Variants in CAMK2G observed in about 807,000 individuals in gnomAD.
CAMK2G encodes calcium/calmodulin-dependent protein kinase type II subunit gamma.
In CAMK2G, 23 loss-of-function variants were observed where a neutral mutation model predicts 88.7. The ratio of observed to expected loss-of-function variants is 0.26; its 90% CI spans 0.19 to 0.37. The LOEUF is 0.37. CAMK2G is among the 10% of genes least tolerant of loss of function. The pLI is 1.00. For synonymous variants in CAMK2G, 263 were observed against 294.8 expected (o/e 0.89, Z 1.11); for missense variants, 476 against 780.8 (o/e 0.61, Z 4.65).
Position 73,852,234 on chromosome 10 carries a change from C to T in CAMK2G, c.341+20G>A, listed in dbSNP as rs2094683410. On this transcript the variant is annotated intron_variant, in intron 5 of 22. Transcript: ENST00000423381. ...CCTAAACTCCAGAGCTACATTTGAA[C>T]TCTCGGGCCCTCATCCTACCTGGCA... is the stretch of plus-strand genomic sequence containing the variant. 1.9e-6 allele frequency: 3 copies of T among 1,605,198 alleles called. No individual in the cohort carries two copies. The highest frequency in any genetic ancestry group is 2.6e-6 in the Non-Finnish European group (3 of 1,171,868).
At position 73,848,851 on chromosome 10, in the gene CAMK2G, C is replaced by T. The variant is rs2094431359; in HGVS notation, c.517+162G>A. Among the ~76,000 whole-genome samples the T allele has an allele frequency of 6.6e-6, 1 of 152,270 alleles. No individual in the cohort carries two copies. The highest frequency in any genetic ancestry group is 2.4e-5 in the African/African-American group (1 of 41,470). On this transcript the variant is annotated intron_variant, in intron 7 of 22. Transcript: ENST00000423381. This position sits in a 1 kb window ranked among gnomAD's most constrained non-coding sequence, Gnocchi z 4.5. ...TCCCACAGGCAGCAAGAAAGCAGTG[C>T]TGACAACAGCTAGACTTACTGTACT...
intron 15 of CAMK2G, among the ~76,000 whole-genome samples, chr10:73,826,472 G>A (rs994184801): frequency 5.9e-5 from 9 of 152,000 alleles, no homozygotes; most frequent in African/African-American, 1.4e-4. Context: ...AACATTACAC[G>A]GAGGGGCACA....
chr10:73,825,162 T>C (rs1189144892), intron 16 of CAMK2G, 117 bp downstream of exon 16: 10 of 790,352 alleles, frequency 1.3e-5, no homozygotes, highest in Non-Finnish European at 2.3e-5. Flanking sequence ...CAGTCAGTTC[T>C]ATGGGGACCA....
At chr10:73,820,778 T>C (rs1410114126) in intron 18 of CAMK2G, among the ~76,000 whole-genome samples, 1 of 150,062 alleles carries the variant, frequency 6.7e-6, no homozygotes, top group East Asian at 2.0e-4. Flanking sequence ...GTTCAAGCGA[T>C]TCTCCCACCT....
rs188065595 is a variant in CAMK2G at position 73,839,178 on chromosome 10, G to A, written c.1009+361C>T. Among the ~76,000 whole-genome samples, 48 of 152,310 alleles carry A rather than the reference G, an allele frequency of 3.2e-4. No homozygotes were observed. In the East Asian group the frequency reaches 8.3e-3, roughly 26 times the overall value. ...TCTGTGGGGTCTTAAACAGTGCTGC[G>A]GAAATCTAGTCCTAGCACCGGGCAG... On this transcript the variant is annotated intron_variant, in intron 13 of 22. Coordinates refer to ENST00000423381, the MANE Select transcript of CAMK2G (RefSeq NM_001367534.1). The surrounding 1 kb of genome is among the most constrained non-coding windows in gnomAD (Gnocchi z 4.2).
intron 2 of CAMK2G, among the ~76,000 whole-genome samples, chr10:73,867,234 A>G (rs2095627421): frequency 6.6e-6 from 1 of 152,218 alleles, no homozygotes; most frequent in African/African-American, 2.4e-5. Flanking sequence ...AAGGCAAGGG[A>G]AGCGAGAGGC....
chr10:73,822,443 C>T (rs759532799), intron 17 of CAMK2G, among the ~76,000 whole-genome samples: 2 of 152,174 alleles, frequency 1.3e-5, no homozygotes, highest in Admixed American at 6.5e-5. Flanking sequence ...GCAGGGATTA[C>T]GGGCGTGAGC....
At chr10:73,844,950 C>G (rs2094119117) in intron 10 of CAMK2G, among the ~76,000 whole-genome samples, 2 of 152,186 alleles carry the variant, frequency 1.3e-5, no homozygotes, top group Non-Finnish European at 2.9e-5. Flanking sequence ...ACTGAGACCC[C>G]CTGTTTCTTA....
chr10:73,857,939 G>A (rs2095161317), intron 3 of CAMK2G, among the ~76,000 whole-genome samples: 1 of 152,176 alleles, frequency 6.6e-6, no homozygotes, highest in Non-Finnish European at 1.5e-5. Context: ...AAAGTACAGG[G>A]TGTTCCCAAA....
chr10:73,816,844 C>T (rs1179872022), intron 21 of CAMK2G, 179 bp downstream of exon 21: 1 of 1,578,550 alleles, frequency 6.3e-7, no homozygotes, highest in Non-Finnish European at 8.6e-7. Flanking sequence ...GGAGCAGGGC[C>T]TTCAAAGGTG....
At chr10:73,852,618 A>T (rs2094713591) in intron 4 of CAMK2G, 3 of 410,148 alleles carry the variant, frequency 7.3e-6, no homozygotes, top group Non-Finnish European at 1.3e-5. Context: ...ACCTACCCCA[A>T]AAGTCACAGC....
chr10:73,835,343 G>C lies in CAMK2G; in HGVS notation c.1053+2125C>G, dbSNP rs147475539. Among the ~76,000 whole-genome samples, 1,014 of 151,858 alleles carry C rather than the reference G, an allele frequency of 6.7e-3. 11 individuals are homozygous for C. Among genetic ancestry groups the C allele is most frequent in the African/African-American group, 0.023 (962 of 41,404 alleles). On this transcript the variant is annotated intron_variant, in intron 14 of 22. Coordinates refer to ENST00000423381, the MANE Select transcript of CAMK2G (RefSeq NM_001367534.1). ...CAGGGTTTCACTGTCACCCAGGCTG[G>C]AGAGTGCAGTGGCTTGATCTTGGCT...
chr10:73,837,703 G>A (rs2093385164), intron 13 of CAMK2G, among the ~76,000 whole-genome samples, 192 bp from the exon 14 acceptor site: 1 of 152,146 alleles, frequency 6.6e-6, no homozygotes, highest in African/African-American at 2.4e-5. Context: ...AGCCCTCAGG[G>A]TGGCACCTCA....
At chr10:73,853,298 C>T (rs963460457) in intron 3 of CAMK2G, 52 bp from the exon 4 acceptor site, 8 of 1,539,396 alleles carry the variant, frequency 5.2e-6, no homozygotes, top group Non-Finnish European at 7.2e-6. Flanking sequence ...ACTTGGAAAT[C>T]CTAGGCTTCT....
At position 73,866,164 on chromosome 10, in the gene CAMK2G, G is replaced by A. The variant is rs547848590; in HGVS notation, c.161-5275C>T. On this transcript the variant is annotated intron_variant, in intron 2 of 22. Coordinates refer to ENST00000423381, the MANE Select transcript of CAMK2G (RefSeq NM_001367534.1). Reference sequence around the variant, plus strand: ...GGATCCTAGAAACCCAACCTCTCCCGCCTTCTGCCCAAGTGCTTCAGGACT... The same window carrying A: ...GGATCCTAGAAACCCAACCTCTCCCACCTTCTGCCCAAGTGCTTCAGGACT... Among the ~76,000 whole-genome samples, 15 of 152,230 alleles carry A rather than the reference G, an allele frequency of 9.9e-5. No homozygotes were observed. In the East Asian group the frequency reaches 1.5e-3, roughly 16 times the overall value.
At chr10:73,868,676 A>C (rs1460973993) in intron 2 of CAMK2G, among the ~76,000 whole-genome samples, 1 of 152,110 alleles carries the variant, frequency 6.6e-6, no homozygotes, top group Admixed American at 6.5e-5. Context: ...CACTCCCTGC[A>C]TTACTGCTTC....
intron 14 of CAMK2G, chr10:73,837,058 T>C (rs1347900038): frequency 4.3e-6 from 1 of 234,914 alleles, no homozygotes; most frequent in Non-Finnish European, 8.6e-6. Context: ...TTCCAAGCCC[T>C]ATACCCTGCC....
At position 73,874,369 on chromosome 10, in the gene CAMK2G, G is replaced by A. The variant is rs1226166790; in HGVS notation, c.65+28C>T. 6.2e-6 allele frequency: 9 copies of A among 1,455,500 alleles called. No individual in the cohort carries two copies. The Middle Eastern group carries it at 8.1e-4, about 131-fold the overall frequency. The allele number at this position is 1,455,500 out of a possible 1,614,324, so 90.2% of individuals were successfully genotyped here. A position where few individuals can be genotyped will look rare whatever the true frequency, so the allele number is the denominator to read the frequency against. ...GCATAGCTCCCGGGCGGCAGGGCAG[G>A]CAGGGGACCGCGGCGGGCGGGCCGT... On this transcript the variant is annotated intron_variant, in intron 1 of 22. Transcript: ENST00000423381.
chr10:73,826,930 G>A (rs930180307), intron 15 of CAMK2G, among the ~76,000 whole-genome samples: 1 of 152,162 alleles, frequency 6.6e-6, no homozygotes, highest in African/African-American at 2.4e-5. Context: ...CACAGACTGC[G>A]ACAGGCTAGA....
Sources: allele counts gnomAD v4.1 joint callset (sites outside exome capture counted in the v4.1 genomes callset), GRCh38; gene constraint gnomAD v4.1.1; non-coding constraint Gnocchi (gnomAD v3.1); transcripts MANE v1.5; gene names NCBI Gene and HGNC (gene_info 2026-07-23, HGNC 2026-07-21).